The following LHCGR variants were observed in gnomAD, a reference collection of about 807,000 sequenced individuals.
LHCGR encodes lutropin-choriogonadotropic hormone receptor.
Under a neutral mutation model 60.7 loss-of-function variants are expected in LHCGR, and 55 were observed. The ratio of observed to expected loss-of-function variants is 0.91; its 90% confidence interval spans 0.73 to 1.13. The LOEUF (loss-of-function observed/expected upper bound fraction) is 1.13. LHCGR is among the 50% of genes most tolerant of loss of function. LHCGR has a pLI of 0.00. For synonymous variants in LHCGR, 337 were observed against 316.5 expected (o/e 1.06, Z -0.69); for missense variants, 862 against 836.0 (o/e 1.03, Z -0.38).
chr2:48,743,345 A>C (rs1669558160), intron 1 of LHCGR, among the ~76,000 whole-genome samples: 2 of 152,196 alleles, frequency 1.3e-5, no homozygotes, highest in Admixed American at 6.5e-5. Flanking sequence ...TCATTTTATG[A>C]GGCCAGCATC....
chr2:48,688,943 GAAAC>G lies in LHCGR; in HGVS notation c.948-98_948-95del. ...TTCTTTAAAGGCAAAGAAACAAAAG[GAAAC>G]AAAGCCATAATAGCCTCAGCCTTAC... On this transcript the variant is annotated intron_variant, in intron 10 of 10. Transcript: ENST00000294954. The surrounding 1 kb of genome is among the most constrained non-coding windows in gnomAD (Gnocchi z 5.2). 8.6e-7 allele frequency: 1 copy of G among 1,156,408 alleles called. No individual in the cohort carries two copies. Among genetic ancestry groups the G allele is most frequent in the Admixed American group, 1.9e-5 (1 of 53,730 alleles). 71.6% of individuals were successfully genotyped at this position (1,156,408 alleles called of 1,614,324 possible).
intron 6 of LHCGR, among the ~76,000 whole-genome samples, chr2:48,722,577 C>T (rs886121118): frequency 3.9e-5 from 6 of 152,228 alleles, no homozygotes; most frequent in Middle Eastern, 3.4e-3. Context: ...TTTAAAAGTG[C>T]GTGACATCTC....
intron 1 of LHCGR, among the ~76,000 whole-genome samples, chr2:48,736,745 T>TA (rs888523496): frequency 7.2e-5 from 11 of 152,286 alleles, no homozygotes; most frequent in African/African-American, 2.4e-4. Flanking sequence ...TTAAAAATTT[T>TA]AAAAAAATCT....
chr2:48,732,628 C>T (rs75937446), intron 1 of LHCGR, among the ~76,000 whole-genome samples: 2,116 of 152,184 alleles, frequency 0.014, 56 homozygotes, highest in African/African-American at 0.048. Context: ...TTTCCCTGTG[C>T]AATACTGGCC....
At chr2:48,739,648 A>T (rs1248470521) in intron 1 of LHCGR, among the ~76,000 whole-genome samples, 4 of 142,060 alleles carry the variant, frequency 2.8e-5, no homozygotes, top group African/African-American at 1.0e-4. Context: ...AACATCACAC[A>T]CTGGGGCCTG....
At chr2:48,712,420 G>C in intron 7 of LHCGR, among the ~76,000 whole-genome samples, 1 of 152,066 alleles carries the variant, frequency 6.6e-6, no homozygotes, top group Non-Finnish European at 1.5e-5. Context: ...TGAGAGAACT[G>C]TGCCAGGAGA....
intron 1 of LHCGR, among the ~76,000 whole-genome samples, chr2:48,745,030 G>T (rs1669634350): frequency 6.6e-6 from 1 of 152,056 alleles, no homozygotes; most frequent in African/African-American, 2.4e-5. Context: ...CAAAAAGTGG[G>T]CGAAGGACAT....
At chr2:48,704,975 T>C (rs1323293082) in intron 8 of LHCGR, among the ~76,000 whole-genome samples, 3 of 152,206 alleles carry the variant, frequency 2.0e-5, no homozygotes, top group Non-Finnish European at 4.4e-5. Context: ...CTTTTAATTG[T>C]GATGTTAGGG....
intron 10 of LHCGR, among the ~76,000 whole-genome samples, chr2:48,693,076 G>A (rs1373414748): frequency 2.0e-5 from 3 of 152,056 alleles, no homozygotes; most frequent in African/African-American, 4.8e-5. Context: ...ATCCATAAAT[G>A]TTTTCTTGAT....
intron 10 of LHCGR, among the ~76,000 whole-genome samples, chr2:48,689,058 CACACACATATAT>C (rs946747650): frequency 4.1e-4 from 62 of 151,930 alleles, no homozygotes; most frequent in South Asian, 1.2e-3. Flanking sequence ...ACTATATATA[CACACACATATAT>C]ACACACATAT....
At chr2:48,739,150 A>G (rs1669325003) in intron 1 of LHCGR, among the ~76,000 whole-genome samples, 1 of 152,240 alleles carries the variant, frequency 6.6e-6, no homozygotes, top group Non-Finnish European at 1.5e-5. Context: ...ATCATTAAAA[A>G]GTCAGGAAAC....
chr2:48,690,838 C>G (rs1261473479), intron 10 of LHCGR, among the ~76,000 whole-genome samples: 3 of 152,234 alleles, frequency 2.0e-5, no homozygotes, highest in East Asian at 1.9e-4. Context: ...TGTCTAATCA[C>G]TTCTTGAAAA....
chr2:48,717,030 T>C (rs1668278806), intron 6 of LHCGR, among the ~76,000 whole-genome samples: 1 of 152,222 alleles, frequency 6.6e-6, no homozygotes, highest in Non-Finnish European at 1.5e-5. Context: ...CATAGGATGA[T>C]ACTGTTCTCA....
chr2:48,701,574 C>A (rs1667411703), intron 8 of LHCGR, among the ~76,000 whole-genome samples: 1 of 152,190 alleles, frequency 6.6e-6, no homozygotes, highest in Non-Finnish European at 1.5e-5. Context: ...AGTCTTCCCT[C>A]ACCATCCCCT....
At chr2:48,704,116 G>A (rs576318461) in intron 8 of LHCGR, among the ~76,000 whole-genome samples, 34 of 152,178 alleles carry the variant, frequency 2.2e-4, no homozygotes, top group African/African-American at 4.8e-4. Context: ...GAATTTTGTC[G>A]AAGGCCTTTT....
rs139893127 is a variant in LHCGR, at chr2:48,732,399, G to A, written c.162-1101C>T. Among the ~76,000 whole-genome samples the A allele has an allele frequency of 1.2e-3, 184 of 152,304 alleles. 1 individual carries two copies. The highest frequency in any genetic ancestry group is 6.8e-3 in the Middle Eastern group (2 of 294). ...AGCTTCTAGGAAAGAACACCTCCAT[G>A]ATGGGCAGATGAAAGTAAGATTTCT... On this transcript the variant is annotated intron_variant, in intron 1 of 10. Coordinates refer to ENST00000294954, the MANE Select transcript of LHCGR (RefSeq NM_000233.4).
intron 1 of LHCGR, among the ~76,000 whole-genome samples, chr2:48,734,695 G>C (rs750650911): frequency 1.2e-4 from 18 of 152,144 alleles, no homozygotes; most frequent in Non-Finnish European, 2.1e-4. Context: ...ATATAGAGCA[G>C]AAGCCAAGGA....
intron 8 of LHCGR, among the ~76,000 whole-genome samples, chr2:48,708,290 C>A (rs1045563279): frequency 6.6e-6 from 1 of 152,100 alleles, no homozygotes; most frequent in Admixed American, 6.6e-5. Flanking sequence ...AGATCTTTGG[C>A]CTTAGATTCC....
intron 1 of LHCGR, among the ~76,000 whole-genome samples, chr2:48,732,317 C>T (rs1040666577): frequency 6.6e-6 from 1 of 152,156 alleles, no homozygotes; most frequent in African/African-American, 2.4e-5. Context: ...AATATGAGAA[C>T]AAAGGTGAAA....
Sources: gnomAD v4.1 joint callset for allele counts (sites outside exome capture counted in the v4.1 genomes callset) on GRCh38, gnomAD v4.1.1 for gene constraint, Gnocchi (gnomAD v3.1) non-coding constraint, MANE v1.5 for transcripts, NCBI Gene and HGNC (gene_info 2026-07-23, HGNC 2026-07-21) for gene names.